Variants in RAMP3 observed in about 807,000 individuals in gnomAD.
The protein encoded by RAMP3 is receptor activity modifying protein 3.
A neutral mutation model predicts 13.5 loss-of-function variants in RAMP3; 14 were observed. That is an observed-to-expected ratio of 1.04 (90% CI 0.69 to 1.63). The LOEUF (loss-of-function observed/expected upper bound fraction) is 1.63. Among genes scored for constraint, RAMP3 ranks in the 40% most tolerant of loss-of-function variants. The probability of loss-of-function intolerance (pLI) is 0.00; values close to 1 mark genes in which losing one functional copy is unlikely to be tolerated. For missense variants in RAMP3, 200 were observed against 204.8 expected (o/e 0.98, Z 0.14); for synonymous variants, 106 against 88.3 (o/e 1.20, Z -1.12).
chr7:45,179,751 T>G (rs1786265018), intron 2 of RAMP3, among the ~76,000 whole-genome samples: 1 of 152,052 alleles, frequency 6.6e-6, no homozygotes, highest in South Asian at 2.1e-4. Context: ...TGCCAGGGGC[T>G]GAGGGCATGA....
At chr7:45,167,558 C>CTTT (rs373727786) in intron 1 of RAMP3, among the ~76,000 whole-genome samples, 2 of 139,496 alleles carry the variant, frequency 1.4e-5, no homozygotes, top group Admixed American at 7.2e-5. Flanking sequence ...CAACTTTGTT[C>CTTT]TTTTTTTTTT....
intron 2 of RAMP3, among the ~76,000 whole-genome samples, chr7:45,180,769 G>A (rs750803380): frequency 7.9e-5 from 12 of 152,372 alleles, no homozygotes; most frequent in East Asian, 5.8e-4. Flanking sequence ...GGGTTTGCCC[G>A]GCTTCCAGCC....
chr7:45,157,899 C>T lies in RAMP3; in HGVS notation c.58+13C>T. ...CTGCTGCTCTGCGGTAAGGGGGCGA[C>T]GGCCCGCACCGGGGGCGCCCCCACT... On this transcript the variant is annotated intron_variant, in intron 1 of 2. Coordinates refer to ENST00000242249, the MANE Select transcript of RAMP3 (RefSeq NM_005856.3). 7.4e-7 allele frequency: 1 copy of T among 1,353,382 alleles called. No individual in the cohort carries two copies. The highest frequency in any genetic ancestry group is 9.5e-7 in the Non-Finnish European group (1 of 1,057,676). 83.8% of individuals were successfully genotyped at this position (1,353,382 alleles called of 1,614,324 possible).
chr7:45,178,828 G>T (rs1217443288), intron 2 of RAMP3, among the ~76,000 whole-genome samples: 1 of 152,226 alleles, frequency 6.6e-6, no homozygotes, highest in African/African-American at 2.4e-5. Context: ...GAGGACAGGA[G>T]TGGAGGCAAC....
At chr7:45,181,121 T>A (rs564851869) in intron 2 of RAMP3, among the ~76,000 whole-genome samples, 3 of 152,208 alleles carry the variant, frequency 2.0e-5, no homozygotes, top group Non-Finnish European at 4.4e-5. Context: ...CCTGATAGGA[T>A]AAGTGTTATT....
intron 1 of RAMP3, among the ~76,000 whole-genome samples, chr7:45,170,165 G>C (rs1234868663): frequency 1.6e-5 from 1 of 60,996 alleles, no homozygotes; most frequent in Non-Finnish European, 3.7e-5. Flanking sequence ...TTTTTTTAAT[G>C]AGCTTTGATT....
At chr7:45,177,212 G>C in intron 1 of RAMP3, 97 bp from the exon 2 acceptor site, 1 of 1,511,120 alleles carries the variant, frequency 6.6e-7, no homozygotes, top group Non-Finnish European at 9.1e-7. Flanking sequence ...ACGGAGCCTT[G>C]CTAGTGAGTA....
chr7:45,158,539 T>A (rs1785806520), intron 1 of RAMP3, among the ~76,000 whole-genome samples: 1 of 152,168 alleles, frequency 6.6e-6, no homozygotes. Flanking sequence ...TTGAAGTACC[T>A]TGCTAAAGAA....
chr7:45,173,110 G>A (rs942390397), intron 1 of RAMP3, among the ~76,000 whole-genome samples: 8 of 152,092 alleles, frequency 5.3e-5, no homozygotes, highest in Non-Finnish European at 1.0e-4. Context: ...ATGCCTCCAG[G>A]GCAACAAATC....
At chr7:45,172,847 T>C (rs1409394623) in intron 1 of RAMP3, among the ~76,000 whole-genome samples, 1 of 152,202 alleles carries the variant, frequency 6.6e-6, no homozygotes, top group Non-Finnish European at 1.5e-5. Flanking sequence ...ATGATCAGTT[T>C]AAACTTGGGG....
chr7:45,162,849 C>T (rs1278020839), intron 1 of RAMP3, among the ~76,000 whole-genome samples: 1 of 152,190 alleles, frequency 6.6e-6, no homozygotes, highest in African/African-American at 2.4e-5. Flanking sequence ...CCGAGGTGAG[C>T]ACCTAGAGCC....
intron 1 of RAMP3, among the ~76,000 whole-genome samples, chr7:45,173,865 A>T (rs1374745609): frequency 2.0e-5 from 3 of 152,156 alleles, no homozygotes; most frequent in African/African-American, 7.2e-5. Context: ...CCTCACATTC[A>T]TGGCGCAAAT....
At chr7:45,170,813 A>T (rs1025955933) in intron 1 of RAMP3, among the ~76,000 whole-genome samples, 32 of 152,128 alleles carry the variant, frequency 2.1e-4, no homozygotes, top group Non-Finnish European at 4.1e-4. Context: ...CTGGCTAATT[A>T]AAAAAATTTT....
intron 1 of RAMP3, among the ~76,000 whole-genome samples, chr7:45,159,593 C>T (rs995230652): frequency 2.0e-5 from 3 of 152,210 alleles, no homozygotes; most frequent in African/African-American, 7.2e-5. Context: ...TGACTGGACT[C>T]TTCTGGTCTG....
At chr7:45,163,183 TGTGCA>T in intron 1 of RAMP3, 1 of 985,424 alleles carries the variant, frequency 1.0e-6, no homozygotes, top group Non-Finnish European at 1.2e-6. Context: ...GTGAGCCTAT[TGTGCA>T]GTTGACTCTG....
chr7:45,178,577 CT>C (rs1380656176), intron 2 of RAMP3, among the ~76,000 whole-genome samples: 1 of 152,210 alleles, frequency 6.6e-6, no homozygotes, highest in Non-Finnish European at 1.5e-5. Flanking sequence ...GAACTGCTTG[CT>C]GAACCAAGTG....
At chr7:45,162,019 A>C (rs1785877142) in intron 1 of RAMP3, among the ~76,000 whole-genome samples, 1 of 152,194 alleles carries the variant, frequency 6.6e-6, no homozygotes, top group Non-Finnish European at 1.5e-5. Context: ...TTCAGAGTCC[A>C]AGGCAGGGGC....
rs57539624 is a variant in RAMP3, at chr7:45,176,387, T to TACACAC, written c.59-899_59-894dup. ...GATATAGATGGCAGGGCTGTGTACCTACACACACACACACACACACACACA... is the reference window on the plus strand; with the variant it reads ...GATATAGATGGCAGGGCTGTGTACCTACACACACACACACACACACACACACACACA... On this transcript the variant is annotated intron_variant, in intron 1 of 2. Coordinates refer to ENST00000242249, the MANE Select transcript of RAMP3 (RefSeq NM_005856.3). 8.2e-3 allele frequency among the ~76,000 whole-genome samples: 1,216 copies of TACACAC among 147,720 alleles called. 17 individuals are homozygous for TACACAC. Among genetic ancestry groups the TACACAC allele is most frequent in the African/African-American group, 0.027 (1,073 of 40,286 alleles).
chr7:45,183,103 C>T, intron 2 of RAMP3, 54 bp from the exon 3 acceptor site: 1 of 1,596,114 alleles, frequency 6.3e-7, no homozygotes, highest in Non-Finnish European at 8.5e-7. Context: ...CAGGTCAGGG[C>T]AGGTGTGAGG....
Sources: gnomAD v4.1 joint callset for allele counts (sites outside exome capture counted in the v4.1 genomes callset) on GRCh38, gnomAD v4.1.1 for gene constraint, MANE v1.5 for transcripts, NCBI Gene and HGNC (gene_info 2026-07-23, HGNC 2026-07-21) for gene names.